ANKS1B: variants seen among roughly 807,000 people sequenced by gnomAD.
The protein encoded by ANKS1B is ankyrin repeat and sterile alpha motif domain-containing protein 1B.
ANKS1B carries 36 observed loss-of-function variants against 148.3 expected under a neutral mutation model. That is an observed-to-expected ratio of 0.24 (90% CI 0.19 to 0.32). The LOEUF is 0.32. Among genes scored for constraint, ANKS1B ranks in the 10% least tolerant of loss-of-function variants. ANKS1B has a pLI of 1.00. For synonymous variants in ANKS1B, 542 were observed against 560.8 expected, an observed-to-expected ratio of 0.97 and a Z score of 0.47; for missense variants, 1,157 against 1,542.6, an observed-to-expected ratio of 0.75 and a Z score of 4.19.
chr12:99,900,516 A>G (rs942985359), intron 1 of ANKS1B, among the ~76,000 whole-genome samples: 5 of 151,092 alleles, frequency 3.3e-5, no homozygotes, highest in Non-Finnish European at 7.4e-5. Context: ...AAAAAAAAAA[A>G]AAAAAAAAAA....
At position 99,648,305 on chromosome 12, in the gene ANKS1B, C is replaced by T; in HGVS notation, c.1272+6762G>A. The T allele has an allele frequency of 1.2e-6, 2 of 1,614,116 alleles. No individual in the cohort carries two copies. On this transcript the variant is annotated intron_variant, in intron 9 of 26. Transcript: ENST00000683438. ...GAGTATACTATATTCAGGTATGCAC[C>T]CATGTTTGAGAGCGACTTTATCCAG...
chr12:99,062,337 TA>T (rs1289518659), intron 16 of ANKS1B, among the ~76,000 whole-genome samples: 6 of 152,330 alleles, frequency 3.9e-5, no homozygotes, highest in South Asian at 2.1e-4. Flanking sequence ...AAATCTTTGT[TA>T]TTTTTTTTCT....
intron 14 of ANKS1B, among the ~76,000 whole-genome samples, chr12:99,170,535 G>GGGATATATTGTTATCTT (rs1382956902): frequency 6.6e-6 from 1 of 152,168 alleles, no homozygotes; most frequent in East Asian, 1.9e-4. Flanking sequence ...CTCAATCGTA[G>GGGATATATTGTTATCTT]GGATATATTG....
chr12:99,738,217 T>C (rs1045101108), intron 8 of ANKS1B, among the ~76,000 whole-genome samples: 6 of 152,172 alleles, frequency 3.9e-5, no homozygotes, highest in Non-Finnish European at 5.9e-5. Flanking sequence ...TTCACTAAGA[T>C]ATTCACTACT....
chr12:99,699,029 TTTC>T (rs1156293874), intron 8 of ANKS1B, among the ~76,000 whole-genome samples: 2 of 152,272 alleles, frequency 1.3e-5, no homozygotes, highest in African/African-American at 2.4e-5. Flanking sequence ...TCTAACAGAT[TTTC>T]TTATTTTTCA....
At chr12:99,791,340 C>T (rs907513109) in intron 4 of ANKS1B, among the ~76,000 whole-genome samples, 1 of 152,016 alleles carries the variant, frequency 6.6e-6, no homozygotes, top group African/African-American at 2.4e-5. Flanking sequence ...GAGACTTCAA[C>T]TCCCCACTTT....
At chr12:99,372,887 G>T (rs1165301856) in intron 12 of ANKS1B, among the ~76,000 whole-genome samples, 1 of 151,964 alleles carries the variant, frequency 6.6e-6, no homozygotes, top group Non-Finnish European at 1.5e-5. Flanking sequence ...CATAATGTAT[G>T]CCTTCCATGT....
intron 14 of ANKS1B, among the ~76,000 whole-genome samples, chr12:99,204,596 C>G (rs2082421791): frequency 6.6e-6 from 1 of 152,180 alleles, no homozygotes; most frequent in South Asian, 2.1e-4. Flanking sequence ...ATAAACGTAG[C>G]CCAGTAAATG....
chr12:99,154,883 T>G (rs2075818967), intron 14 of ANKS1B: 4 of 1,534,918 alleles, frequency 2.6e-6, no homozygotes, highest in Non-Finnish European at 3.5e-6. Context: ...AGGCTACACC[T>G]CGCATTTTCA....
chr12:99,824,666 T>C (rs1316868728), intron 2 of ANKS1B, among the ~76,000 whole-genome samples: 1 of 152,144 alleles, frequency 6.6e-6, no homozygotes, highest in Non-Finnish European at 1.5e-5. Context: ...CATCACACTT[T>C]AACTCTGTCA....
In ANKS1B at chr12:99,482,644, T is replaced by C. The variant is rs145683860; in HGVS notation, c.1438+21832A>G. Among the ~76,000 whole-genome samples, 1,046 of 151,258 alleles carry C rather than the reference T, an allele frequency of 6.9e-3. 7 individuals carry two copies. Among genetic ancestry groups the C allele is most frequent in the Non-Finnish European group, 0.012 (778 of 67,312 alleles). On this transcript the variant is annotated intron_variant, in intron 10 of 26. Transcript: ENST00000683438. Reference sequence around the variant, plus strand: ...CAGTATGGTCATTTTTCCATGAGCATGGGGTGAGTTTTCATTTGTTTGTGT... The same window carrying C: ...CAGTATGGTCATTTTTCCATGAGCACGGGGTGAGTTTTCATTTGTTTGTGT...
At chr12:99,496,744 G>A (rs1246628151) in intron 10 of ANKS1B, among the ~76,000 whole-genome samples, 3 of 152,020 alleles carry the variant, frequency 2.0e-5, no homozygotes, top group African/African-American at 7.2e-5. Context: ...CCTGTGGTCA[G>A]GATTAGATTT....
chr12:99,446,114 TA>T (rs56976816), intron 10 of ANKS1B, among the ~76,000 whole-genome samples: 15,993 of 147,220 alleles, frequency 0.11, 1,423 homozygotes, highest in African/African-American at 0.23. Flanking sequence ...GGAAGCATGA[TA>T]AAAAAAAAAC....
At chr12:99,977,334 G>T (rs2095641598) in intron 1 of ANKS1B, among the ~76,000 whole-genome samples, 1 of 151,922 alleles carries the variant, frequency 6.6e-6, no homozygotes, top group Middle Eastern at 3.2e-3. Context: ...GTTTTTTATA[G>T]AGACAGGGTC....
intron 8 of ANKS1B, among the ~76,000 whole-genome samples, chr12:99,734,713 C>T (rs962288889): frequency 2.6e-5 from 4 of 152,186 alleles, no homozygotes; most frequent in African/African-American, 4.8e-5. Context: ...GCTGTATCAG[C>T]TATCTTTACT....
chr12:99,414,971 G>A (rs2152689140), intron 11 of ANKS1B, among the ~76,000 whole-genome samples: 1 of 152,270 alleles, frequency 6.6e-6, no homozygotes, highest in South Asian at 2.1e-4. Context: ...GTATGAGTTA[G>A]TTTCTTCATA....
At chr12:99,165,351 T>C (rs2077092759) in intron 14 of ANKS1B, among the ~76,000 whole-genome samples, 1 of 151,808 alleles carries the variant, frequency 6.6e-6, no homozygotes, top group Non-Finnish European at 1.5e-5. Context: ...TTTTTTGAGA[T>C]GATTAGTCCA....
chr12:98,861,842 C>T (rs1471783983), intron 17 of ANKS1B, among the ~76,000 whole-genome samples: 2 of 152,188 alleles, frequency 1.3e-5, no homozygotes, highest in Admixed American at 1.3e-4. Flanking sequence ...GGCTTCTGAG[C>T]TCTGATATGC....
chr12:98,791,501 G>T (rs1293454379), intron 22 of ANKS1B, among the ~76,000 whole-genome samples: 1 of 152,152 alleles, frequency 6.6e-6, no homozygotes, highest in Admixed American at 6.5e-5. Flanking sequence ...CGCAGTATTT[G>T]GGAGAGAGTG....
Sources: gnomAD v4.1 joint callset for allele counts (sites outside exome capture counted in the v4.1 genomes callset) on GRCh38, gnomAD v4.1.1 for gene constraint, MANE v1.5 for transcripts, NCBI Gene and HGNC (gene_info 2026-07-23, HGNC 2026-07-21) for gene names.